The following RNF144A variants were observed in gnomAD, a reference collection of about 807,000 sequenced individuals.
RNF144A encodes the protein ring finger protein 144A, also known as E3 ubiquitin-protein ligase RNF144A.
In RNF144A, 11 loss-of-function variants were observed where a neutral mutation model predicts 38.7. The observed-to-expected ratio is 0.28, with a 90% CI of 0.18 to 0.47. RNF144A has a LOEUF of 0.47. Ranked by LOEUF, RNF144A falls within the 20% of genes least tolerant of loss-of-function variation. RNF144A has a pLI of 0.99. For synonymous variants in RNF144A, 149 were observed against 143.9 expected (o/e 1.04, Z -0.25); for missense variants, 316 against 377.2 (o/e 0.84, Z 1.34).
intron 2 of RNF144A, among the ~76,000 whole-genome samples, chr2:6,960,317 A>G (rs879509529): frequency 2.6e-5 from 4 of 152,196 alleles, no homozygotes; most frequent in Non-Finnish European, 5.9e-5. Context: ...CAACTCTTAG[A>G]ATCTGCCTTA....
At chr2:6,957,384 C>T (rs1256807332) in intron 2 of RNF144A, among the ~76,000 whole-genome samples, 1 of 152,160 alleles carries the variant, frequency 6.6e-6, no homozygotes, top group Admixed American at 6.5e-5. Context: ...TAAAACAATT[C>T]CCTTTTGTGT....
intron 3 of RNF144A, among the ~76,000 whole-genome samples, chr2:7,006,119 CTGTTACCCAGAA>C (rs1267407345): frequency 2.0e-5 from 3 of 151,966 alleles, no homozygotes; most frequent in Admixed American, 2.0e-4. Flanking sequence ...CCAACAATCT[CTGTTACCCAGAA>C]TGTAGCCCAG....
intron 6 of RNF144A, among the ~76,000 whole-genome samples, chr2:7,058,174 T>G (rs1278372909): frequency 6.6e-6 from 1 of 152,030 alleles, no homozygotes; most frequent in Non-Finnish European, 1.5e-5. Context: ...TCTGAGGACC[T>G]AGGGACAGCT....
chr2:6,942,599 A>G (rs1666073368), intron 2 of RNF144A, among the ~76,000 whole-genome samples: 2 of 152,206 alleles, frequency 1.3e-5, no homozygotes, highest in African/African-American at 4.8e-5. Context: ...AAAGTCTGTA[A>G]TGACTCCAGG....
intron 2 of RNF144A, among the ~76,000 whole-genome samples, chr2:6,959,549 G>A (rs1667210604): frequency 6.6e-6 from 1 of 152,164 alleles, no homozygotes; most frequent in South Asian, 2.1e-4. Flanking sequence ...GGGATCAGGT[G>A]ACCTCATGGG....
At chr2:6,984,875 G>A (rs1558405582) in intron 2 of RNF144A, among the ~76,000 whole-genome samples, 2 of 152,200 alleles carry the variant, frequency 1.3e-5, no homozygotes, top group Non-Finnish European at 2.9e-5. Context: ...GCATGCATGG[G>A]GTCCACTCGT....
At chr2:7,064,999 A>G (rs1473349289) in intron 6 of RNF144A, among the ~76,000 whole-genome samples, 3 of 152,312 alleles carry the variant, frequency 2.0e-5, no homozygotes, top group East Asian at 1.9e-4. Flanking sequence ...ACTTTCTGTG[A>G]CAATCTACAT....
chr2:7,057,896 A>T (rs1424374860), intron 6 of RNF144A, among the ~76,000 whole-genome samples: 3 of 152,230 alleles, frequency 2.0e-5, no homozygotes, highest in Non-Finnish European at 2.9e-5. Flanking sequence ...GCAAAGAGGC[A>T]GTAGTATTTT....
At chr2:6,986,635 C>G (rs533574418) in intron 2 of RNF144A, among the ~76,000 whole-genome samples, 1 of 152,310 alleles carries the variant, frequency 6.6e-6, no homozygotes, top group African/African-American at 2.4e-5. Context: ...CACTGCTATT[C>G]AAGGTTTATC....
intron 2 of RNF144A, among the ~76,000 whole-genome samples, chr2:6,948,698 T>C (rs988761829): frequency 3.3e-5 from 5 of 152,214 alleles, no homozygotes; most frequent in African/African-American, 9.6e-5. Flanking sequence ...GAAAATATCT[T>C]GATTCCAAAT....
intron 2 of RNF144A, among the ~76,000 whole-genome samples, chr2:6,953,223 T>A (rs1666796319): frequency 6.6e-6 from 1 of 152,162 alleles, no homozygotes; most frequent in African/African-American, 2.4e-5. Flanking sequence ...GGTCAGGAGC[T>A]TGAGACCAGC....
chr2:6,977,359 C>T (rs571528911), intron 2 of RNF144A, among the ~76,000 whole-genome samples: 8 of 152,292 alleles, frequency 5.3e-5, no homozygotes, highest in African/African-American at 1.9e-4. Context: ...GTTAATGACA[C>T]GAAAGCACAG....
rs146990462 is a variant in RNF144A, at chr2:6,985,696, G to A, written c.-11-11220G>A. Among the ~76,000 whole-genome samples the A allele has an allele frequency of 2.5e-3, 386 of 152,254 alleles. 2 individuals are homozygous for A. Among genetic ancestry groups the A allele is most frequent in the African/African-American group, 8.9e-3 (368 of 41,546 alleles). On this transcript the variant is annotated intron_variant, in intron 2 of 8. Coordinates refer to ENST00000320892, the MANE Select transcript of RNF144A (RefSeq NM_014746.6). ...ATGTTTTATCTTTTGTTCTTGAGAC[G>A]GAGTCTTGCTCTGTTGCACAGGCTG...
At position 6,996,241 on chromosome 2, in the gene RNF144A, C is replaced by T. The variant is rs1669729088; in HGVS notation, c.-11-675C>T. Among the ~76,000 whole-genome samples the T allele has an allele frequency of 3.3e-5, 5 of 152,316 alleles. No individual in the cohort carries two copies. In the South Asian group the frequency reaches 1.0e-3, roughly 32 times the overall value. ...CCCAGGCTTGTCCTCATATTCGCCA[C>T]GTCTTTAACACTGGAGAACAGTTAA... On this transcript the variant is annotated intron_variant, in intron 2 of 8. Coordinates refer to ENST00000320892, the MANE Select transcript of RNF144A (RefSeq NM_014746.6).
intron 3 of RNF144A, among the ~76,000 whole-genome samples, chr2:7,011,815 G>A (rs896386850): frequency 1.4e-4 from 22 of 152,178 alleles, no homozygotes; most frequent in Non-Finnish European, 1.5e-5. Context: ...AGCTGGGCTT[G>A]TTTTTGATGG....
chr2:7,011,311 T>C (rs1289161038), intron 3 of RNF144A, among the ~76,000 whole-genome samples: 3 of 152,228 alleles, frequency 2.0e-5, no homozygotes, highest in Middle Eastern at 3.2e-3. Flanking sequence ...ATCCCTGATA[T>C]GATACAATTG....
chr2:7,008,188 C>T (rs537249914), intron 3 of RNF144A, among the ~76,000 whole-genome samples: 3 of 152,262 alleles, frequency 2.0e-5, no homozygotes, highest in Non-Finnish European at 4.4e-5. Flanking sequence ...GCCTCTTTGG[C>T]TGCCGCCCAG....
intron 3 of RNF144A, among the ~76,000 whole-genome samples, chr2:7,010,039 C>A (rs775057611): frequency 2.0e-5 from 3 of 152,204 alleles, no homozygotes; most frequent in African/African-American, 7.2e-5. Context: ...ATTAATAGTT[C>A]TTGTTTTCAA....
chr2:6,960,009 T>C (rs1280749564), intron 2 of RNF144A, among the ~76,000 whole-genome samples: 1 of 152,256 alleles, frequency 6.6e-6, no homozygotes, highest in Non-Finnish European at 1.5e-5. Flanking sequence ...TTACTTCCTC[T>C]CTGTGGCCTG....
Sources: gnomAD v4.1 joint callset for allele counts (sites outside exome capture counted in the v4.1 genomes callset) on GRCh38, gnomAD v4.1.1 for gene constraint, MANE v1.5 for transcripts, NCBI Gene and HGNC (gene_info 2026-07-23, HGNC 2026-07-21) for gene names.